The following ADGRE2 variants were observed in gnomAD, a reference collection of about 807,000 sequenced individuals.
ADGRE2 encodes the protein adhesion G protein-coupled receptor E2, also known as CD97 antigen.
Under a neutral mutation model 100.8 loss-of-function variants are expected in ADGRE2, and 83 were observed. That is an observed-to-expected ratio of 0.82 (90% CI 0.69 to 0.99). The LOEUF is 0.99. Among genes scored for constraint, ADGRE2 ranks in the 50% least tolerant of loss-of-function variants. The pLI is 0.00. For synonymous variants in ADGRE2, 355 were observed against 413.0 expected (o/e 0.86, Z 1.70); for missense variants, 814 against 1,035.7 (o/e 0.79, Z 2.94).
chr19:14,736,666 A>T (rs1315076487), intron 20 of ADGRE2, among the ~76,000 whole-genome samples: 1 of 144,454 alleles, frequency 6.9e-6, no homozygotes, highest in Non-Finnish European at 1.5e-5. Flanking sequence ...ATATTTCTAA[A>T]TATATATATT....
chr19:14,738,216 GATCT>G (rs911321045), intron 20 of ADGRE2, among the ~76,000 whole-genome samples: 3 of 152,106 alleles, frequency 2.0e-5, no homozygotes, highest in Non-Finnish European at 4.4e-5. Flanking sequence ...CATTTAAAAA[GATCT>G]ATCTGTTTCC....
chr19:14,731,218 T>C, downstream of ADGRE2: 2 of 1,532,050 alleles, frequency 1.3e-6, no homozygotes, highest in Non-Finnish European at 1.7e-6. Flanking sequence ...AGTACTCTCT[T>C]GCATGTTCAG....
intron 2 of ADGRE2, among the ~76,000 whole-genome samples, chr19:14,775,629 T>C (rs1284306062): frequency 6.6e-6 from 1 of 151,740 alleles, no homozygotes; most frequent in African/African-American, 2.4e-5. Context: ...GAGGCCAAGG[T>C]GGGCAGATCA....
intron 7 of ADGRE2, 109 bp downstream of exon 7, chr19:14,766,126 A>T (rs1301847727): frequency 1.3e-6 from 2 of 1,565,782 alleles, no homozygotes; most frequent in Admixed American, 3.5e-5. Flanking sequence ...TGAACGCCTG[A>T]CACAGTCGGG....
chr19:14,774,129 G>A (rs947189595), intron 3 of ADGRE2, 75 bp from the exon 4 acceptor site: 2 of 1,526,138 alleles, frequency 1.3e-6, no homozygotes, highest in African/African-American at 2.7e-5. Flanking sequence ...GGGGAGATGG[G>A]GCAGAGCGCT....
At chr19:14,756,372 G>T in intron 11 of ADGRE2, 27 bp from the exon 12 acceptor site, 1 of 1,558,048 alleles carries the variant, frequency 6.4e-7, no homozygotes. Flanking sequence ...TTACATAAGG[G>T]GGGTTAGGTT....
intron 11 of ADGRE2, among the ~76,000 whole-genome samples, chr19:14,757,917 C>T (rs2043558238): frequency 6.6e-6 from 1 of 152,190 alleles, no homozygotes; most frequent in South Asian, 2.1e-4. Context: ...AATTCTCCTG[C>T]CTCAGCCTCC....
chr19:14,760,704 A>C (rs2043685545), intron 11 of ADGRE2, among the ~76,000 whole-genome samples: 1 of 152,112 alleles, frequency 6.6e-6, no homozygotes, highest in African/African-American at 2.4e-5. Context: ...TCTAAATTTA[A>C]CTGGAAAGAC....
chr19:14,764,683 C>T (rs2043885219), intron 10 of ADGRE2, 73 bp from the exon 11 acceptor site: 1 of 1,452,734 alleles, frequency 6.9e-7, no homozygotes, highest in Non-Finnish European at 9.3e-7. Flanking sequence ...ACCGCTCAGC[C>T]CCAGGGAACA....
At chr19:14,771,621 C>CTTGCTTATTTATTTAT (rs1555789538) in intron 5 of ADGRE2, among the ~76,000 whole-genome samples, 5 of 143,592 alleles carry the variant, frequency 3.5e-5, no homozygotes, top group African/African-American at 1.0e-4. Flanking sequence ...GCATCCATTG[C>CTTGCTTATTTATTTAT]TTATTTATTT....
downstream of ADGRE2, chr19:14,731,028 T>C (rs1373734256): frequency 1.5e-5 from 10 of 677,814 alleles, no homozygotes; most frequent in East Asian, 2.7e-4. Context: ...ATAGCAGATA[T>C]TTAGGACATT....
chr19:14,753,155 G>A (rs1038874649), intron 14 of ADGRE2, among the ~76,000 whole-genome samples: 4 of 151,866 alleles, frequency 2.6e-5, no homozygotes, highest in African/African-American at 9.7e-5. Context: ...TGATCCTCCC[G>A]TTTCAGCCTC....
At chr19:14,766,116 T>G in intron 7 of ADGRE2, 119 bp downstream of exon 7, 1 of 1,540,758 alleles carries the variant, frequency 6.5e-7, no homozygotes, top group Non-Finnish European at 8.9e-7. Flanking sequence ...CTCAGAAGAA[T>G]GAACGCCTGA....
intron 5 of ADGRE2, among the ~76,000 whole-genome samples, chr19:14,769,711 T>A (rs562215653): frequency 6.6e-6 from 1 of 152,290 alleles, no homozygotes; most frequent in East Asian, 1.9e-4. Context: ...TCTTTTCTTT[T>A]TTTTGGAGAC....
intron 11 of ADGRE2, among the ~76,000 whole-genome samples, chr19:14,761,267 G>A (rs1054000731): frequency 2.0e-5 from 3 of 152,108 alleles, no homozygotes; most frequent in Admixed American, 6.6e-5. Flanking sequence ...TTAGCCGGGC[G>A]TGGTGGCGGG....
Position 14,738,660 on chromosome 19 carries a change from G to A in ADGRE2, c.2464-2416C>T, listed in dbSNP as rs542649010. 1.2e-4 allele frequency among the ~76,000 whole-genome samples: 18 copies of A among 152,176 alleles called. No individual in the cohort carries two copies. The East Asian group carries it at 2.9e-3, about 25-fold the overall frequency. On this transcript the variant is annotated intron_variant, in intron 20 of 20. Coordinates refer to ENST00000315576, the MANE Select transcript of ADGRE2 (RefSeq NM_013447.4). Reference sequence around the variant, plus strand: ...CCCAAAGTGCTGGGATTACAAGCGTGAGCCACTGCGCCCAGCCTGAATTCC... The same window carrying A: ...CCCAAAGTGCTGGGATTACAAGCGTAAGCCACTGCGCCCAGCCTGAATTCC...
intron 20 of ADGRE2, among the ~76,000 whole-genome samples, chr19:14,740,275 A>G (rs2042889161): frequency 6.6e-6 from 1 of 151,894 alleles, no homozygotes; most frequent in Non-Finnish European, 1.5e-5. Flanking sequence ...GTGAGAACAG[A>G]AAAGGAAATA....
At position 14,764,410 on chromosome 19, in the gene ADGRE2, CTG is replaced by C. The variant is rs1568611613; in HGVS notation, c.1084+21_1084+22del. 5.0e-6 allele frequency: 8 copies of C among 1,610,460 alleles called. No individual in the cohort carries two copies. The South Asian group carries it at 8.8e-5, about 18-fold the overall frequency. ...GACAGAAAACATGCAGAGCTGGAGT[CTG>C]GGGCAGACCCAGGGACCTACCTGTG... On this transcript the variant is annotated intron_variant, in intron 11 of 20. Coordinates refer to ENST00000315576, the MANE Select transcript of ADGRE2 (RefSeq NM_013447.4).
chr19:14,763,004 C>G (rs2147367512), intron 11 of ADGRE2, among the ~76,000 whole-genome samples: 1 of 152,238 alleles, frequency 6.6e-6, no homozygotes, highest in East Asian at 1.9e-4. Flanking sequence ...TGAATTTTAT[C>G]TTAATAAAAT....
Sources: allele counts gnomAD v4.1 joint callset (sites outside exome capture counted in the v4.1 genomes callset), GRCh38; gene constraint gnomAD v4.1.1; transcripts MANE v1.5; gene names NCBI Gene and HGNC (gene_info 2026-07-23, HGNC 2026-07-21).